Variants in POLB observed in about 807,000 individuals in gnomAD.
POLB encodes DNA polymerase beta.
A neutral mutation model predicts 52.7 loss-of-function variants in POLB; 37 were observed. The ratio of observed to expected loss-of-function variants is 0.70; its 90% CI spans 0.54 to 0.92. The LOEUF (loss-of-function observed/expected upper bound fraction) is 0.92, where lower values mean the gene tolerates loss of function less well. Among genes scored for constraint, POLB ranks in the 40% least tolerant of loss-of-function variants. The pLI, the probability that POLB is intolerant of heterozygous loss-of-function variation, is 0.00. For missense variants in POLB, 313 were observed against 400.8 expected, an observed-to-expected ratio of 0.78 and a Z score of 1.87; for synonymous variants, 138 against 131.3, an observed-to-expected ratio of 1.05 and a Z score of -0.35.
In POLB at chr8:42,364,169, C is replaced by T. The variant is rs1273417312; in HGVS notation, c.708+1471C>T. Among the ~76,000 whole-genome samples, 9 of 152,094 alleles carry T rather than the reference C, an allele frequency of 5.9e-5. No individual in the cohort carries two copies. The East Asian group carries it at 1.3e-3, about 23-fold the overall frequency. ...CTCAAACTCCTGACCTCAGGTGATC[C>T]GCCTGCCTCAGCCTCCCAAAGTACT... On this transcript the variant is annotated intron_variant, in intron 11 of 13. Transcript: ENST00000265421.
At chr8:42,347,014 T>C (rs1270500855) in intron 3 of POLB, among the ~76,000 whole-genome samples, 1 of 152,150 alleles carries the variant, frequency 6.6e-6, no homozygotes, top group Non-Finnish European at 1.5e-5. Flanking sequence ...CACTTCCTCT[T>C]TTATCCCTAC....
chr8:42,352,136 T>C (rs1306531014), intron 5 of POLB, among the ~76,000 whole-genome samples: 1 of 152,244 alleles, frequency 6.6e-6, no homozygotes, highest in Non-Finnish European at 1.5e-5. Flanking sequence ...TTCTTGTTTA[T>C]GTAACTAACT....
chr8:42,343,625 A>T (rs900551447), intron 2 of POLB, among the ~76,000 whole-genome samples: 1 of 63,320 alleles, frequency 1.6e-5, no homozygotes, highest in African/African-American at 2.7e-5. Context: ...TAGCTATTTT[A>T]AAAAAGGGGG....
At chr8:42,349,152 C>A in intron 4 of POLB, 62 bp downstream of exon 4, 1 of 915,998 alleles carries the variant, frequency 1.1e-6, no homozygotes, top group Non-Finnish European at 1.8e-6. Flanking sequence ...CACTATGTAG[C>A]GTCATTGCAG....
intron 9 of POLB, among the ~76,000 whole-genome samples, chr8:42,360,577 A>G (rs1823611683): frequency 6.6e-6 from 1 of 152,150 alleles, no homozygotes; most frequent in Admixed American, 6.5e-5. Flanking sequence ...CACTTGCAAC[A>G]CTGAAAAAAA....
rs1361831471 is a variant in POLB at position 42,355,462 on chromosome 8, TC to T, written c.371-48del. ...AAAAGGGTCATTGAGTTTAGCATTT[TC>T]CCCCCAAAAAGCATTTAAATTAACA... On this transcript the variant is annotated intron_variant, in intron 6 of 13. Transcript: ENST00000265421. The T allele has an allele frequency of 1.6e-5, 16 of 981,780 alleles. No homozygotes were observed. In the Admixed American group the frequency reaches 2.4e-4, roughly 14 times the overall value. 60.8% of individuals were successfully genotyped at this position (981,780 alleles called of 1,614,324 possible).
chr8:42,359,189 G>A lies in POLB; in HGVS notation c.550+1797G>A, dbSNP rs182586255. 2.0e-4 allele frequency among the ~76,000 whole-genome samples: 31 copies of A among 152,010 alleles called. 2 individuals carry two copies. The highest frequency in any genetic ancestry group is 6.5e-4 in the African/African-American group (27 of 41,450). ...CCACTTCCCTATGGATTCTTGTAAC[G>A]TTTCTTCATGAAAATACAACTAAAT... On this transcript the variant is annotated intron_variant, in intron 9 of 13. Transcript: ENST00000265421.
intron 11 of POLB, among the ~76,000 whole-genome samples, chr8:42,365,050 G>A (rs1382696874): frequency 6.6e-6 from 1 of 151,878 alleles, no homozygotes; most frequent in African/African-American, 2.4e-5. Flanking sequence ...TCGCACTACT[G>A]CACTCCAGCC....
chr8:42,371,632 G>A lies in POLB; in HGVS notation c.983G>A (p.Arg328Gln), dbSNP rs146877435. 14 of 1,611,354 alleles carry A rather than the reference G, an allele frequency of 8.7e-6. No individual in the cohort carries two copies. The highest frequency in any genetic ancestry group is 4.4e-5 in the South Asian group (4 of 91,022). ...DIFDYIQWKY[R>Q]EPKDRSE is the part of the protein sequence containing the mutation. Reference sequence around the variant, plus strand: ...TTTGATTACATCCAGTGGAAATACCGGGAACCCAAGGACCGGAGCGAATGA... The same window carrying A: ...TTTGATTACATCCAGTGGAAATACCAGGAACCCAAGGACCGGAGCGAATGA... Residue 328 changes from arginine (R) to glutamine (Q), a missense_variant, in exon 14 of 14, where the codon CGG becomes CAG. By Grantham distance (43) the Arg-to-Gln change is conservative (BLOSUM62 1). Around this residue, in one of 3 missense-constraint regions of POLB, gnomAD observed 246 missense variants for 297.6 expected, o/e 0.83. Transcript: ENST00000265421.
intron 9 of POLB, 99 bp from the exon 10 acceptor site, chr8:42,361,196 G>C: frequency 1.2e-6 from 1 of 812,446 alleles, no homozygotes; most frequent in Admixed American, 1.9e-5. Context: ...AAGTTAGGCT[G>C]TAAGAAGTAA....
In POLB at chr8:42,338,615, G is replaced by T. The variant is rs1821991438; in HGVS notation, c.-10G>T. On this transcript the variant is annotated 5_prime_UTR_variant, in exon 1 of 14. Transcript: ENST00000265421. ...TCTGAACACTCTGGGGTTCTCGGGT[G>T]CAGGCCGCCATGAGCAAACGGAAGG... The T allele has an allele frequency of 3.1e-6, 5 of 1,613,488 alleles. No homozygotes were observed. The highest frequency in any genetic ancestry group is 4.2e-6 in the Non-Finnish European group (5 of 1,179,470).
intron 9 of POLB, chr8:42,358,027 C>G (rs961913979): frequency 1.3e-5 from 2 of 151,876 alleles, no homozygotes; most frequent in African/African-American, 4.8e-5. Context: ...GCCCAACTGC[C>G]CAAGTTTTCT....
intron 13 of POLB, among the ~76,000 whole-genome samples, chr8:42,370,779 T>G (rs1049333063): frequency 2.0e-5 from 3 of 152,214 alleles, no homozygotes; most frequent in Admixed American, 6.5e-5. Context: ...ACACTCACGA[T>G]AGCTGATGAG....
At chr8:42,363,685 T>A (rs1585912991) in intron 11 of POLB, among the ~76,000 whole-genome samples, 1 of 152,182 alleles carries the variant, frequency 6.6e-6, no homozygotes, top group East Asian at 1.9e-4. Context: ...ATAAGTAACG[T>A]AGTTAGAATT....
At chr8:42,359,513 C>A (rs1460467320) in intron 9 of POLB, among the ~76,000 whole-genome samples, 1 of 149,256 alleles carries the variant, frequency 6.7e-6, no homozygotes, top group East Asian at 2.0e-4. Flanking sequence ...TGCCACCACA[C>A]CCGGCTAATT....
intron 3 of POLB, among the ~76,000 whole-genome samples, chr8:42,347,360 CCTCAGTAATTCTAGAAATTATTCTAGA>C (rs1822692667): frequency 8.1e-6 from 1 of 123,174 alleles, no homozygotes; most frequent in Non-Finnish European, 1.7e-5. Flanking sequence ...TAGAATTACT[CCTCAGTAATTCTAGAAATTATTCTAGA>C]ATTACTCCTC....
chr8:42,363,509 C>G (rs1823847178), intron 11 of POLB, among the ~76,000 whole-genome samples: 1 of 113,452 alleles, frequency 8.8e-6, no homozygotes, highest in Admixed American at 1.3e-4. Flanking sequence ...GCCTGGGTGA[C>G]AGACCGAGAC....
Position 42,349,193 on chromosome 8 carries a change from T to C in POLB, c.261+103T>C, listed in dbSNP as rs553331267. On this transcript the variant is annotated intron_variant, in intron 4 of 13. Transcript: ENST00000265421. ...CCAATGTCATTCACTGTAGTGAGAC[T>C]CACAGGAAATGAGGTGAGTGAAGTT... is the stretch of plus-strand genomic sequence containing the variant. 5.1e-5 allele frequency: 33 copies of C among 645,864 alleles called. No homozygotes were observed. In the African/African-American group the frequency reaches 6.0e-4, roughly 12 times the overall value. 40.0% of individuals were successfully genotyped at this position (645,864 alleles called of 1,614,324 possible). A position where few individuals can be genotyped will look rare whatever the true frequency, so the allele number is the denominator to read the frequency against.
intron 11 of POLB, among the ~76,000 whole-genome samples, chr8:42,367,431 A>C (rs1281539690): frequency 6.6e-6 from 1 of 152,148 alleles, no homozygotes; most frequent in Non-Finnish European, 1.5e-5. Context: ...CTGAGGGAAG[A>C]GATAGCCAGG....
Sources: allele counts gnomAD v4.1 joint callset (sites outside exome capture counted in the v4.1 genomes callset), GRCh38; gene constraint gnomAD v4.1.1; regional missense constraint gnomAD v4.1.1; transcripts MANE v1.5; gene names NCBI Gene and HGNC (gene_info 2026-07-23, HGNC 2026-07-21).